The following PPFIA2 variants were observed in gnomAD, a reference collection of about 807,000 sequenced individuals.
The protein encoded by PPFIA2 is liprin-alpha-2.
PPFIA2 carries 46 observed loss-of-function variants against 175.5 expected under a neutral mutation model. The observed-to-expected ratio is 0.26, with a 90% CI of 0.21 to 0.34. The LOEUF is 0.34. Among genes scored for constraint, PPFIA2 ranks in the 10% least tolerant of loss-of-function variants. The pLI is 1.00. For missense variants in PPFIA2, 1,179 were observed against 1,506.1 expected (o/e 0.78, Z 3.60); for synonymous variants, 568 against 511.4 (o/e 1.11, Z -1.49).
At chr12:81,364,927 G>A (rs140277624) in intron 14 of PPFIA2, among the ~76,000 whole-genome samples, 1 of 151,902 alleles carries the variant, frequency 6.6e-6, no homozygotes, top group Admixed American at 6.6e-5. Flanking sequence ...TAGGTTAGAT[G>A]GTGGTGGTGT....
At chr12:81,436,978 A>G (rs1000813728) in intron 7 of PPFIA2, among the ~76,000 whole-genome samples, 13 of 152,208 alleles carry the variant, frequency 8.5e-5, no homozygotes, top group East Asian at 1.9e-4. Flanking sequence ...AAATGATTTT[A>G]AGCAAAACAA....
At chr12:81,324,010 T>C (rs117722771) in intron 22 of PPFIA2, among the ~76,000 whole-genome samples, 14,637 of 152,062 alleles carry the variant, frequency 0.096, 877 homozygotes, top group Middle Eastern at 0.16. Context: ...GTTAGCCATT[T>C]TTGCCTTATA....
chr12:81,482,168 C>T (rs1030635131), intron 4 of PPFIA2, among the ~76,000 whole-genome samples: 2 of 152,026 alleles, frequency 1.3e-5, no homozygotes, highest in Non-Finnish European at 2.9e-5. Context: ...TAAAGAAATG[C>T]ACATTAAAAC....
intron 4 of PPFIA2, among the ~76,000 whole-genome samples, chr12:81,617,888 T>C (rs1427267702): frequency 6.6e-6 from 1 of 152,144 alleles, no homozygotes; most frequent in Non-Finnish European, 1.5e-5. Context: ...GAAAAACATG[T>C]AAAAAGTAAA....
chr12:81,533,927 TA>T (rs1222701152), intron 4 of PPFIA2, among the ~76,000 whole-genome samples: 1 of 151,160 alleles, frequency 6.6e-6, no homozygotes, highest in African/African-American at 2.4e-5. Flanking sequence ...TTTACCAAAA[TA>T]AAAAAACGAA....
intron 11 of PPFIA2, among the ~76,000 whole-genome samples, chr12:81,372,513 G>GAAAAAAAAAAAAAAAAAAAAAAAAAAA (rs3075257): frequency 2.1e-5 from 2 of 93,634 alleles, no homozygotes; most frequent in Non-Finnish European, 2.6e-5. Flanking sequence ...AATTGAAACA[G>GAAAAAAAAAAAAAAAAAAAAAAAAAAA]AAAAAAAAAA....
chr12:81,449,112 C>T (rs1484332330), intron 5 of PPFIA2, among the ~76,000 whole-genome samples: 1 of 152,130 alleles, frequency 6.6e-6, no homozygotes, highest in Non-Finnish European at 1.5e-5. Flanking sequence ...AGCCTATTTC[C>T]CTTGCCACCA....
intron 4 of PPFIA2, among the ~76,000 whole-genome samples, chr12:81,551,725 T>A (rs1440678564): frequency 1.3e-5 from 2 of 151,960 alleles, no homozygotes; most frequent in African/African-American, 4.8e-5. Context: ...TGTGTGAAAC[T>A]GTTATTTTAG....
chr12:81,560,280 GAGAGAGAGCT>G (rs2069768201), intron 4 of PPFIA2, among the ~76,000 whole-genome samples: 1 of 151,760 alleles, frequency 6.6e-6, no homozygotes. Context: ...GTGTGAGAGA[GAGAGAGAGCT>G]AGAGAGAGAG....
intron 3 of PPFIA2, among the ~76,000 whole-genome samples, chr12:81,693,361 G>T (rs1210895030): frequency 6.6e-6 from 1 of 151,978 alleles, no homozygotes; most frequent in African/African-American, 2.4e-5. Flanking sequence ...CATGAGATCT[G>T]CTCATCAAAG....
chr12:81,670,525 C>T (rs1362018368), intron 4 of PPFIA2, among the ~76,000 whole-genome samples: 1 of 151,892 alleles, frequency 6.6e-6, no homozygotes, highest in Non-Finnish European at 1.5e-5. Context: ...ACAAAACACA[C>T]TCAAATCTTA....
chr12:81,457,901 C>T (rs2053858235), intron 4 of PPFIA2, 35 bp from the exon 5 acceptor site: 1 of 1,395,016 alleles, frequency 7.2e-7, no homozygotes, highest in African/African-American at 1.5e-5. Context: ...AAGAAATATT[C>T]AAGATCTAAA....
rs201397878 is a variant in PPFIA2, at chr12:81,477,859, A to AT, written c.304-19994dup. The stretch of plus-strand genomic sequence containing the variant: ...TGTTCATCAGGAATATTGGCCTGAA[A>AT]TTTTTTTTTTTTTTAATTGTTGGAT... On this transcript the variant is annotated intron_variant, in intron 4 of 32. Transcript: ENST00000549396. Among the ~76,000 whole-genome samples the AT allele has an allele frequency of 8.3e-3, 1,219 of 146,348 alleles. 9 individuals carry two copies. Among genetic ancestry groups the AT allele is most frequent in the African/African-American group, 0.028 (1,102 of 39,946 alleles).
In PPFIA2 at chr12:81,460,150, T is replaced by A. The variant is rs533646942; in HGVS notation, c.304-2284A>T. ...TCCCCACCCAAATCTCACATTGAAT[T>A]GTAACAATCCCCACGTGTCAAGGGC... On this transcript the variant is annotated intron_variant, in intron 4 of 32. Transcript: ENST00000549396. Among the ~76,000 whole-genome samples, 78 of 152,216 alleles carry A rather than the reference T, an allele frequency of 5.1e-4. 2 individuals carry two copies. The highest frequency in any genetic ancestry group is 4.1e-3 in the South Asian group (20 of 4,826).
At chr12:81,423,919 ATTCAAAAATTAGTTGCAT>A (rs2046722308) in intron 7 of PPFIA2, among the ~76,000 whole-genome samples, 1 of 152,168 alleles carries the variant, frequency 6.6e-6, no homozygotes, top group African/African-American at 2.4e-5. Flanking sequence ...CAAAATCAAC[ATTCAAAAATTAGTTGCAT>A]TTCCACACAC....
At position 81,578,811 on chromosome 12, in the gene PPFIA2, C is replaced by G. The variant is rs575080913; in HGVS notation, c.303+97980G>C. ...TTCTTTTAGCCATATCATGATGCCT[C>G]TCAGGAAATATTGTCTGCTCTGGGC... On this transcript the variant is annotated intron_variant, in intron 4 of 32. Transcript: ENST00000549396. Among the ~76,000 whole-genome samples the G allele has an allele frequency of 7.2e-5, 11 of 151,726 alleles. 1 individual carries two copies. The highest frequency in any genetic ancestry group is 6.6e-4 in the Admixed American group (10 of 15,162).
chr12:81,682,799 C>T (rs1249142190), intron 3 of PPFIA2, among the ~76,000 whole-genome samples: 1 of 151,988 alleles, frequency 6.6e-6, no homozygotes, highest in Non-Finnish European at 1.5e-5. Context: ...TGCAACTCCT[C>T]TTATCAAGGT....
intron 4 of PPFIA2, chr12:81,512,253 T>A (rs935316054): frequency 1.1e-5 from 13 of 1,225,612 alleles, no homozygotes; most frequent in Non-Finnish European, 1.4e-5. Flanking sequence ...CATTACAAAA[T>A]CTAAACACCT....
chr12:81,344,680 C>T lies in PPFIA2; in HGVS notation c.2246G>A (p.Arg749Lys). The change falls in exon 19 of 33, where the codon AGG becomes AAG. Residue 749 changes from arginine (R) to lysine (K), a missense_variant. Physicochemically the swap from Arg to Lys is conservative, Grantham distance 26 (BLOSUM62 2). Coordinates refer to ENST00000549396, the MANE Select transcript of PPFIA2 (RefSeq NM_003625.5). ...TTACTGTACCTTTCTCCGATGTTTCCTCAGATCACTTGGCTGTGATTGGCA... is the reference window on the plus strand; with the variant it reads ...TTACTGTACCTTTCTCCGATGTTTCTTCAGATCACTTGGCTGTGATTGGCA... Reference protein sequence around the residue: ...MGVMTLPSDLRKHRRKIAVVE... With the variant: ...MGVMTLPSDLKKHRRKIAVVE... 1 of 1,556,798 alleles carries T rather than the reference C, an allele frequency of 6.4e-7. No individual in the cohort carries two copies. The highest frequency in any genetic ancestry group is 8.7e-7 in the Non-Finnish European group (1 of 1,145,808).
Sources: gnomAD v4.1 joint callset for allele counts (sites outside exome capture counted in the v4.1 genomes callset) on GRCh38, gnomAD v4.1.1 for gene constraint, MANE v1.5 for transcripts, NCBI Gene and HGNC (gene_info 2026-07-23, HGNC 2026-07-21) for gene names.